Variants in TMEM164 observed in about 807,000 individuals in gnomAD.
TMEM164 encodes RP13-360B22.2.
Under a neutral mutation model 18.8 loss-of-function variants are expected in TMEM164, and 4 were observed. That is an observed-to-expected ratio of 0.21 (90% CI 0.10 to 0.49). The LOEUF (loss-of-function observed/expected upper bound fraction) is 0.49, where lower values mean the gene tolerates loss of function less well. TMEM164 is among the 20% of genes least tolerant of loss of function. TMEM164 has a pLI of 0.98. For synonymous variants in TMEM164, 86 were observed against 101.7 expected (o/e 0.85, Z 0.93); for missense variants, 108 against 239.9 (o/e 0.45, Z 3.63).
intron 4 of TMEM164, among the ~76,000 whole-genome samples, chrX:110,118,960 A>G (rs1264135058): frequency 1.8e-5 from 2 of 111,473 alleles, no homozygotes; most frequent in Non-Finnish European, 3.8e-5. Flanking sequence ...TTCATCAGCC[A>G]ACCTGAACCT....
At chrX:110,086,674 A>ATATG (rs1556001283) in intron 3 of TMEM164, among the ~76,000 whole-genome samples, 3 of 90,459 alleles carry the variant, frequency 3.3e-5, no homozygotes, top group African/African-American at 1.6e-4. Context: ...GTGTGTATAT[A>ATATG]TGTGTGTGTG....
chrX:110,018,257 C>G (rs184777057), intron 2 of TMEM164, among the ~76,000 whole-genome samples: 23 of 112,380 alleles, frequency 2.0e-4, no homozygotes, highest in African/African-American at 7.1e-4. Flanking sequence ...AATAATCTGT[C>G]AGCCCAGTAG....
chrX:110,048,686 A>G (rs771023068), intron 2 of TMEM164, among the ~76,000 whole-genome samples: 2 of 111,902 alleles, frequency 1.8e-5, no homozygotes, highest in South Asian at 7.5e-4. Flanking sequence ...ATGCATTGGA[A>G]TAACTTACCC....
chrX:110,048,867 C>T (rs1185402063), intron 2 of TMEM164, among the ~76,000 whole-genome samples: 1 of 111,059 alleles, frequency 9.0e-6, no homozygotes, highest in Non-Finnish European at 1.9e-5. Context: ...TTACCCATGG[C>T]GCTGCTTACG....
intron 4 of TMEM164, among the ~76,000 whole-genome samples, chrX:110,123,524 C>A (rs777877817): frequency 1.3e-4 from 15 of 112,480 alleles, no homozygotes; most frequent in African/African-American, 4.8e-4. Flanking sequence ...GTTCAGCACT[C>A]AGGTCTTCTG....
At chrX:110,181,680 G>C (rs994477545), downstream of TMEM164, among the ~76,000 whole-genome samples, 2 of 112,819 alleles carry the variant, frequency 1.8e-5, no homozygotes, top group African/African-American at 6.4e-5. Flanking sequence ...TTCAGGTCCC[G>C]AGTGCCCTTG....
intron 3 of TMEM164, among the ~76,000 whole-genome samples, chrX:110,092,261 T>G (rs1296938374): frequency 8.9e-6 from 1 of 112,061 alleles, no homozygotes; most frequent in Non-Finnish European, 1.9e-5. Context: ...CATTGGTAGC[T>G]TGATGGGGAT....
At chrX:110,132,021 G>GAGC (rs1312590231) in intron 4 of TMEM164, among the ~76,000 whole-genome samples, 2 of 111,349 alleles carry the variant, frequency 1.8e-5, no homozygotes, top group Non-Finnish European at 3.8e-5. Context: ...TTCCATCAGG[G>GAGC]AGCAGCCTGA....
intron 2 of TMEM164, among the ~76,000 whole-genome samples, chrX:110,024,640 G>A (rs1934096959): frequency 8.9e-6 from 1 of 111,817 alleles, no homozygotes; most frequent in South Asian, 3.7e-4. Flanking sequence ...GTTGGTAAAC[G>A]TTGAATAAAG....
intron 3 of TMEM164, among the ~76,000 whole-genome samples, chrX:110,106,135 T>C (rs2066197933): frequency 8.9e-6 from 1 of 112,080 alleles, no homozygotes; most frequent in African/African-American, 3.2e-5. Context: ...CCCTCTAGCA[T>C]ATATATAGCT....
At chrX:110,098,700 A>G (rs1312179728) in intron 3 of TMEM164, among the ~76,000 whole-genome samples, 4 of 110,785 alleles carry the variant, frequency 3.6e-5, no homozygotes, top group Non-Finnish European at 7.5e-5. Flanking sequence ...GGTAGGGAAC[A>G]TTTTTATCTG....
chrX:110,117,644 T>C (rs1222628570), intron 4 of TMEM164, among the ~76,000 whole-genome samples: 4 of 112,065 alleles, frequency 3.6e-5, no homozygotes, highest in Admixed American at 9.5e-5. Context: ...AAATGAGATA[T>C]GTGAAATATA....
chrX:110,115,000 T>C (rs1159971001), intron 4 of TMEM164, among the ~76,000 whole-genome samples: 9 of 111,867 alleles, frequency 8.0e-5, no homozygotes, highest in Non-Finnish European at 1.5e-4. Context: ...GATGGTTCTT[T>C]TGAGTATTCC....
intron 2 of TMEM164, among the ~76,000 whole-genome samples, chrX:110,052,091 TC>T (rs1273954649): frequency 1.8e-5 from 2 of 111,511 alleles, no homozygotes; most frequent in African/African-American, 6.5e-5. Flanking sequence ...TATTTTTTTT[TC>T]CTTAATATCT....
At chrX:110,090,311 A>AT (rs397945932) in intron 3 of TMEM164, among the ~76,000 whole-genome samples, 6,951 of 97,596 alleles carry the variant, frequency 0.071, 578 homozygotes, top group African/African-American at 0.22. Context: ...TTTAGTCTGA[A>AT]TTTTTTTTTT....
chrX:110,062,615 A>T (rs1393680568), intron 2 of TMEM164, among the ~76,000 whole-genome samples: 1 of 112,069 alleles, frequency 8.9e-6, no homozygotes, highest in East Asian at 2.8e-4. Context: ...TGTAATTTAC[A>T]TGTGCAACCA....
intron 2 of TMEM164, among the ~76,000 whole-genome samples, chrX:110,012,223 C>T (rs775952140): frequency 2.7e-5 from 3 of 111,881 alleles, no homozygotes; most frequent in Non-Finnish European, 5.6e-5. Flanking sequence ...AAGTGTGGTG[C>T]CATCTTTCTA....
intron 3 of TMEM164, among the ~76,000 whole-genome samples, chrX:110,107,949 C>T (rs777059892): frequency 3.0e-4 from 33 of 110,948 alleles, no homozygotes; most frequent in Admixed American, 5.8e-4. Flanking sequence ...CATGAGCCAC[C>T]GCACCCAGCC....
At chrX:110,141,833 A>G (rs1221337310) in intron 4 of TMEM164, among the ~76,000 whole-genome samples, 1 of 112,218 alleles carries the variant, frequency 8.9e-6, no homozygotes, top group Non-Finnish European at 1.9e-5. Flanking sequence ...GTTTCTTCTT[A>G]CTTCACCCCC....
Sources: allele counts gnomAD v4.1 joint callset (sites outside exome capture counted in the v4.1 genomes callset), GRCh38; gene constraint gnomAD v4.1.1; transcripts MANE v1.5; gene names NCBI Gene and HGNC (gene_info 2026-07-23, HGNC 2026-07-21).